Variants in ZNF439 observed in about 807,000 individuals in gnomAD.
ZNF439 encodes zinc finger protein 439.
Under a neutral mutation model 47.3 loss-of-function variants are expected in ZNF439, and 40 were observed. That is an observed-to-expected ratio of 0.85 (90% CI 0.66 to 1.10). ZNF439 has a LOEUF of 1.10. Ranked by LOEUF, ZNF439 falls within the 50% of genes least tolerant of loss-of-function variation. The probability of loss-of-function intolerance (pLI) is 0.00; values close to 1 mark genes in which losing one functional copy is unlikely to be tolerated. For missense variants in ZNF439, 556 were observed against 601.1 expected (o/e 0.93, Z 0.78); for synonymous variants, 171 against 198.8 (o/e 0.86, Z 1.18).
In ZNF439 at chr19:11,868,663, A is replaced by G; in HGVS notation, c.*94A>G. ...GAGAGAAACCCTATAAATGCAAGCA[A>G]TGTGGTAAAGCCTTAATTGTTCCAG... is the stretch of plus-strand genomic sequence containing the variant. On this transcript the variant is annotated 3_prime_UTR_variant, in exon 4 of 4. Coordinates refer to ENST00000682736, the MANE Select transcript of ZNF439 (RefSeq NM_001348719.2). 1 of 1,340,788 alleles carries G rather than the reference A, an allele frequency of 7.5e-7. No homozygotes were observed. 83.1% of individuals were successfully genotyped at this position (1,340,788 alleles called of 1,614,324 possible).
In ZNF439 at chr19:11,848,886, A is replaced by T. The variant is rs1976146972; in HGVS notation, c.19A>T (p.Arg7Trp). MPCFTH[R>W]SCREDPGTSE... is the part of the protein sequence containing the mutation. ...CTGCGCTATGCCCTGCTTTACTCAC[A>T]GGAGCTGTAGAGAGGACCCCGGTAC... Residue 7 changes from arginine (R) to tryptophan (W), a missense_variant, in exon 1 of 4, where the codon AGG becomes TGG. Arg to Trp is a moderately radical substitution (Grantham distance 101). Transcript: ENST00000682736. The T allele has an allele frequency of 1.9e-6, 3 of 1,572,018 alleles. No homozygotes were observed. Among genetic ancestry groups the T allele is most frequent in the Non-Finnish European group, 2.6e-6 (3 of 1,153,736 alleles).
At chr19:11,865,167 T>C (rs1032073007) in intron 1 of ZNF439, among the ~76,000 whole-genome samples, 7 of 152,224 alleles carry the variant, frequency 4.6e-5, no homozygotes, top group Non-Finnish European at 8.8e-5. Flanking sequence ...TCAATGGATA[T>C]GTGGGTGGCT....
At chr19:11,850,483 T>G (rs1165045168) in intron 1 of ZNF439, 3 of 152,124 alleles carry the variant, frequency 2.0e-5, no homozygotes, top group Admixed American at 1.3e-4. Context: ...TGCAGTCGCC[T>G]TATTTGGACT....
rs200987195 is a variant in ZNF439 at position 11,866,595 on chromosome 19, C to G, written c.249C>G (p.Phe83Leu). 1.5e-5 allele frequency: 24 copies of G among 1,613,236 alleles called. No homozygotes were observed. In the East Asian group the frequency reaches 1.6e-4, roughly 10 times the overall value. Residue 83 changes from phenylalanine (F) to leucine (L), a missense_variant and splice_region_variant, in exon 3 of 4, where the codon TTC (phenylalanine) becomes TTG (leucine). Physicochemically the swap from Phe to Leu is conservative, Grantham distance 22. Transcript: ENST00000682736. ...AGTACCAAAACCCCAGGAGAAACTT[C>G]AGGTAATTTGCACTTATAAGAGAAA... is the stretch of plus-strand genomic sequence containing the variant. ...EYEYQNPRRN[F>L]RSVTEEKVNE...
chr19:11,854,508 C>G (rs548415045), intron 1 of ZNF439, among the ~76,000 whole-genome samples: 1 of 152,176 alleles, frequency 6.6e-6, no homozygotes. Flanking sequence ...GCCTGTAATC[C>G]CAGCACTTTG....
chr19:11,855,771 G>T (rs10410537), intron 1 of ZNF439, among the ~76,000 whole-genome samples: 384 of 152,328 alleles, frequency 2.5e-3, no homozygotes, highest in African/African-American at 9.0e-3. Flanking sequence ...GGCATCAGGG[G>T]TTTTTGCCTG....
At position 11,849,118 on chromosome 19, in the gene ZNF439, C is replaced by A. The variant is rs1976157183; in HGVS notation, c.63+188C>A. On this transcript the variant is annotated intron_variant, in intron 1 of 3. Transcript: ENST00000682736. ...GGACTCCGGGCGTCCTGTCCCGTCC[C>A]TGCCCGTCGACTGCGGCCTTGGCCC... 4 of 1,160,150 alleles carry A rather than the reference C, an allele frequency of 3.4e-6. No homozygotes were observed. The Admixed American group carries it at 1.7e-4, about 48-fold the overall frequency. The allele number at this position is 1,160,150 out of a possible 1,614,324, so 71.9% of individuals were successfully genotyped here.
chr19:11,868,146 T>C lies in ZNF439; in HGVS notation c.1092T>C (p.Cys364=). 3.1e-6 allele frequency: 5 copies of C among 1,614,088 alleles called. No homozygotes were observed. The highest frequency in any genetic ancestry group is 4.2e-6 in the Non-Finnish European group (5 of 1,180,012). The change falls in exon 4 of 4, where the codon TGT becomes TGC. Residue 364 remains cysteine (C), a synonymous_variant. Transcript: ENST00000682736. ...SGERPYECKT[C]GKGFYSAKSF... is the part of the protein sequence containing the mutation. ...AAAGACCTTATGAATGTAAGACATG[T>C]GGGAAAGGCTTTTATTCTGCCAAGT...
rs752851212 is a variant in ZNF439 at position 11,867,455 on chromosome 19, G to A, written c.401G>A (p.Gly134Asp). 2 of 1,614,076 alleles carry A rather than the reference G, an allele frequency of 1.2e-6. No homozygotes were observed. The highest frequency in any genetic ancestry group is 1.7e-6 in the Non-Finnish European group (2 of 1,179,996). The change falls in exon 4 of 4, where the codon GGC (glycine) becomes GAC (aspartate). Residue 134 changes from glycine (G) to aspartate (D), a missense_variant. Transcript: ENST00000682736. ...KSCDSFVCEV[G>D]LGNSSSNMNI... ...TGTGACAGCTTTGTGTGTGAAGTTG[G>A]CCTAGGTAACTCATCTTCTAATATG...
rs748073206 is a variant in ZNF439 at position 11,867,598 on chromosome 19, G to C, written c.544G>C (p.Glu182Gln). Residue 182 changes from glutamate (E) to glutamine (Q), a missense_variant, in exon 4 of 4, where the codon GAA becomes CAA. Transcript: ENST00000682736. ...FRYHPSLRTQ[E>Q]RDHTGKKPYA... ...ATATCACCCCTCCTTGAGAACACAA[G>C]AAAGGGATCACACTGGAAAGAAACC... is the stretch of plus-strand genomic sequence containing the variant. The C allele has an allele frequency of 1.8e-5, 29 of 1,613,054 alleles. 1 individual carries two copies. Among genetic ancestry groups the C allele is most frequent in the East Asian group, 4.5e-5 (2 of 44,886 alleles).
At chr19:11,853,446 A>C (rs1976304871) in intron 1 of ZNF439, among the ~76,000 whole-genome samples, 1 of 152,120 alleles carries the variant, frequency 6.6e-6, no homozygotes, top group African/African-American at 2.4e-5. Context: ...GGGGATAGAG[A>C]GAAGCGGGTG....
intron 1 of ZNF439, among the ~76,000 whole-genome samples, chr19:11,854,745 A>G (rs1031021397): frequency 6.6e-6 from 1 of 152,046 alleles, no homozygotes; most frequent in Non-Finnish European, 1.5e-5. Context: ...CAACAGAGCA[A>G]GGCTCTGTCT....
At chr19:11,857,014 G>C (rs1297892048) in intron 1 of ZNF439, 1 of 152,196 alleles carries the variant, frequency 6.6e-6, no homozygotes, top group East Asian at 1.9e-4. Flanking sequence ...GGGAGTTGAA[G>C]CTGTGAGCTC....
intron 1 of ZNF439, among the ~76,000 whole-genome samples, chr19:11,853,393 G>A (rs282748): frequency 0.4 from 60,744 of 151,978 alleles, 12,680 homozygotes; most frequent in African/African-American, 0.5. Context: ...TGTAGTGAAC[G>A]TGGGCCCCGA....
In ZNF439 at chr19:11,868,430, G is replaced by A. The variant is rs77098353; in HGVS notation, c.1376G>A (p.Arg459Gln). 157 of 1,613,478 alleles carry A rather than the reference G, an allele frequency of 9.7e-5. No individual in the cohort carries two copies. The East Asian group carries it at 3.0e-3, about 31-fold the overall frequency. The change falls in exon 4 of 4, where the codon CGA (arginine) becomes CAA (glutamine). Residue 459 changes from arginine (R) to glutamine (Q), a missense_variant. By Grantham distance (43) the Arg-to-Gln change is conservative. Transcript: ENST00000682736. ...GKAFRSASQL[R>Q]IHRRIHTGEK... Reference sequence around the variant, plus strand: ...GCTTTCAGATCTGCCTCACAACTTCGAATCCATCGTAGGATTCACACTGGA... The same window carrying A: ...GCTTTCAGATCTGCCTCACAACTTCAAATCCATCGTAGGATTCACACTGGA...
At position 11,859,571 on chromosome 19, in the gene ZNF439, T is replaced by C. The variant is rs538346660; in HGVS notation, c.64-6634T>C. ...ATCCTAAAGTAAATGGGCTCTGTAC[T>C]CCATTATTAACTACACTAGCTTTTA... On this transcript the variant is annotated intron_variant, in intron 1 of 3. Coordinates refer to ENST00000682736, the MANE Select transcript of ZNF439 (RefSeq NM_001348719.2). 7.2e-5 allele frequency among the ~76,000 whole-genome samples: 11 copies of C among 152,332 alleles called. No homozygotes were observed. In the South Asian group the frequency reaches 2.3e-3, roughly 32 times the overall value.
chr19:11,860,993 A>G (rs569760001), intron 1 of ZNF439, among the ~76,000 whole-genome samples: 1 of 152,300 alleles, frequency 6.6e-6, no homozygotes, highest in South Asian at 2.1e-4. Context: ...ACCCTTAGGT[A>G]GGACCTTAGG....
chr19:11,854,713 G>A (rs1224533213), intron 1 of ZNF439, among the ~76,000 whole-genome samples: 4 of 151,962 alleles, frequency 2.6e-5, no homozygotes, highest in Admixed American at 1.3e-4. Flanking sequence ...AGCCGAGATC[G>A]TGCCACCGCA....
chr19:11,866,501 C>T (rs765522544), intron 2 of ZNF439, 36 bp from the exon 3 acceptor site: 10 of 1,607,598 alleles, frequency 6.2e-6, no homozygotes, highest in Non-Finnish European at 6.8e-6. Context: ...CAATTTTATA[C>T]TGCCTCAGGA....
Sources: gnomAD v4.1 joint callset for allele counts (sites outside exome capture counted in the v4.1 genomes callset) on GRCh38, gnomAD v4.1.1 for gene constraint, MANE v1.5 for transcripts, NCBI Gene and HGNC (gene_info 2026-07-23, HGNC 2026-07-21) for gene names.